Variants in CADM2 observed in about 807,000 individuals in gnomAD.
The protein encoded by CADM2 is cell adhesion molecule 2, also known as immunoglobulin superfamily member 4D.
CADM2 carries 12 observed loss-of-function variants against 49.8 expected under a neutral mutation model. That is an observed-to-expected ratio of 0.24 (90% CI 0.15 to 0.39). The LOEUF is 0.39. Ranked by LOEUF, CADM2 falls within the 10% of genes least tolerant of loss-of-function variation. CADM2 has a pLI of 1.00. For missense variants in CADM2, 378 were observed against 492.3 expected (o/e 0.77, Z 2.20); for synonymous variants, 214 against 175.4 (o/e 1.22, Z -1.74).
At chr3:85,278,966 A>G (rs2043428827) in intron 1 of CADM2, among the ~76,000 whole-genome samples, 1 of 151,450 alleles carries the variant, frequency 6.6e-6, no homozygotes, top group African/African-American at 2.4e-5. Flanking sequence ...AAAATAGTTC[A>G]CAGATTTGCA....
At chr3:85,371,520 TAAGTACA>T (rs2033221125) in intron 1 of CADM2, among the ~76,000 whole-genome samples, 1 of 151,410 alleles carries the variant, frequency 6.6e-6, no homozygotes, top group South Asian at 2.1e-4. Flanking sequence ...TAGGCTTAGG[TAAGTACA>T]CTCTATGGTC....
At chr3:85,747,522 C>G (rs938667413) in intron 2 of CADM2, among the ~76,000 whole-genome samples, 1 of 151,994 alleles carries the variant, frequency 6.6e-6, no homozygotes, top group African/African-American at 2.4e-5. Flanking sequence ...GTGAAGGCAA[C>G]ATCAATGGGA....
intron 8 of CADM2, among the ~76,000 whole-genome samples, chr3:85,986,694 T>G (rs547622167): frequency 2.3e-4 from 35 of 152,244 alleles, no homozygotes; most frequent in Non-Finnish European, 3.4e-4. Context: ...TGATTATGTT[T>G]AGTTGATTAA....
intron 8 of CADM2, among the ~76,000 whole-genome samples, chr3:85,970,677 A>G (rs1169793550): frequency 6.6e-6 from 1 of 151,626 alleles, no homozygotes; most frequent in Non-Finnish European, 1.5e-5. Flanking sequence ...GTTAACAAAC[A>G]TTTATGTCAA....
intron 1 of CADM2, among the ~76,000 whole-genome samples, chr3:85,658,888 A>T (rs1410138523): frequency 6.7e-6 from 1 of 150,184 alleles, no homozygotes; most frequent in African/African-American, 2.4e-5. Context: ...CTATCTCTAC[A>T]AAAACATAAA....
rs963459606 is a variant in CADM2, at chr3:84,959,273, C to T, written c.-335C>T. The T allele has an allele frequency of 3.0e-5, 14 of 470,086 alleles. No individual in the cohort carries two copies. The highest frequency in any genetic ancestry group is 2.7e-5 in the Non-Finnish European group (7 of 259,184). 29.1% of individuals were successfully genotyped at this position (470,086 alleles called of 1,614,324 possible). On this transcript the variant is annotated 5_prime_UTR_variant, in exon 1 of 10. Transcript: ENST00000383699. ...CCCCGGCATCCCTGCACCACCTGCT[C>T]GGGCAGCCCCGGCGGGCTCTGGGAC...
At chr3:85,137,398 A>T (rs776865812) in intron 1 of CADM2, among the ~76,000 whole-genome samples, 2 of 151,984 alleles carry the variant, frequency 1.3e-5, no homozygotes, top group Non-Finnish European at 2.9e-5. Flanking sequence ...AAAAAAGCAT[A>T]AATACTTATG....
intron 8 of CADM2, among the ~76,000 whole-genome samples, chr3:85,989,001 C>A (rs891617419): frequency 4.6e-5 from 7 of 152,138 alleles, no homozygotes; most frequent in Non-Finnish European, 8.8e-5. Context: ...TAATGAAGGA[C>A]AATGGTATTC....
intron 7 of CADM2, among the ~76,000 whole-genome samples, chr3:85,940,836 C>G (rs149753305): frequency 6.6e-6 from 1 of 151,880 alleles, no homozygotes; most frequent in African/African-American, 2.4e-5. Flanking sequence ...ATTTTTTTTC[C>G]TTTTTTTAAA....
intron 2 of CADM2, among the ~76,000 whole-genome samples, chr3:85,757,178 A>G (rs1042977094): frequency 1.3e-5 from 2 of 152,168 alleles, no homozygotes; most frequent in Non-Finnish European, 2.9e-5. Flanking sequence ...AGATACCACA[A>G]TGACAACTTG....
At chr3:85,354,273 C>T (rs1482133454) in intron 1 of CADM2, among the ~76,000 whole-genome samples, 2 of 137,678 alleles carry the variant, frequency 1.5e-5, no homozygotes, top group Non-Finnish European at 3.0e-5. Flanking sequence ...TAAATCATAT[C>T]AAAATGTGAC....
intron 3 of CADM2, among the ~76,000 whole-genome samples, chr3:85,851,461 A>G (rs1266198703): frequency 6.6e-6 from 1 of 152,044 alleles, no homozygotes; most frequent in African/African-American, 2.4e-5. Flanking sequence ...CCTCTTAGGA[A>G]CCAGAACACT....
At chr3:85,038,349 C>T (rs1436044623) in intron 1 of CADM2, among the ~76,000 whole-genome samples, 3 of 152,200 alleles carry the variant, frequency 2.0e-5, no homozygotes, top group Admixed American at 2.0e-4. Flanking sequence ...GTAAAGTTAG[C>T]TTAGTTCACA....
At chr3:85,316,963 A>G (rs2044480396) in intron 1 of CADM2, among the ~76,000 whole-genome samples, 1 of 152,160 alleles carries the variant, frequency 6.6e-6, no homozygotes, top group South Asian at 2.1e-4. Flanking sequence ...TTGGGGTTTC[A>G]AAGTCCATAC....
chr3:85,576,238 C>G (rs1279145577), intron 1 of CADM2, among the ~76,000 whole-genome samples: 1 of 152,094 alleles, frequency 6.6e-6, no homozygotes, highest in Non-Finnish European at 1.5e-5. Context: ...GCTTTAGAAG[C>G]AGTTGCCTTG....
chr3:85,604,774 A>G (rs2063502791), intron 1 of CADM2, among the ~76,000 whole-genome samples: 1 of 152,038 alleles, frequency 6.6e-6, no homozygotes, highest in Non-Finnish European at 1.5e-5. Flanking sequence ...GGCAAAAGGA[A>G]TTCAATCCAT....
intron 2 of CADM2, among the ~76,000 whole-genome samples, chr3:85,779,013 A>G (rs1398742178): frequency 6.6e-6 from 1 of 152,200 alleles, no homozygotes. Context: ...AAGGAGACTT[A>G]GGACTTGATT....
intron 1 of CADM2, among the ~76,000 whole-genome samples, chr3:85,146,893 T>G (rs1371997510): frequency 6.6e-6 from 1 of 151,970 alleles, no homozygotes; most frequent in African/African-American, 2.4e-5. Context: ...ATGGGACATA[T>G]GAAGACATTT....
rs1192646496 is a variant in CADM2, at chr3:86,072,575, A to G, written c.*5792A>G. ...CCAGGGTCAAAGCAGCAGTAACTAC[A>G]TGGACTTTTAAGTGCGGTATGAAAT... On this transcript the variant is annotated 3_prime_UTR_variant, in exon 10 of 10. Transcript: ENST00000383699. 1 of 152,064 alleles carries G rather than the reference A, an allele frequency of 6.6e-6. No individual in the cohort carries two copies. Among genetic ancestry groups the G allele is most frequent in the Non-Finnish European group, 1.5e-5 (1 of 67,958 alleles). The allele number at this position is 152,064 out of a possible 1,614,324, so 9.4% of individuals were successfully genotyped here. A position where few individuals can be genotyped will look rare whatever the true frequency, so the allele number is the denominator to read the frequency against.
Sources: gnomAD v4.1 joint callset for allele counts (sites outside exome capture counted in the v4.1 genomes callset) on GRCh38, gnomAD v4.1.1 for gene constraint, MANE v1.5 for transcripts, NCBI Gene and HGNC (gene_info 2026-07-23, HGNC 2026-07-21) for gene names.